The following FOXN3 variants were observed in gnomAD, a reference collection of about 807,000 sequenced individuals.
FOXN3 encodes forkhead box protein N3.
A neutral mutation model predicts 38.4 loss-of-function variants in FOXN3; 7 were observed. That is an observed-to-expected ratio of 0.18 (90% CI 0.10 to 0.34). The LOEUF (loss-of-function observed/expected upper bound fraction) is 0.34, where lower values mean the gene tolerates loss of function less well. Ranked by LOEUF, FOXN3 falls within the 10% of genes least tolerant of loss-of-function variation. The probability of loss-of-function intolerance (pLI) is 1.00; values close to 1 mark genes in which losing one functional copy is unlikely to be tolerated. For missense variants in FOXN3, 456 were observed against 613.4 expected (o/e 0.74, Z 2.71); for synonymous variants, 230 against 242.2 (o/e 0.95, Z 0.47).
intron 2 of FOXN3, among the ~76,000 whole-genome samples, chr14:89,388,573 T>G (rs1347590065): frequency 1.3e-5 from 2 of 152,060 alleles, no homozygotes; most frequent in Non-Finnish European, 2.9e-5. Context: ...TGGGTTAGAC[T>G]GACTGTGAAG....
intron 1 of FOXN3, among the ~76,000 whole-genome samples, chr14:89,478,742 G>C (rs1038615300): frequency 3.3e-5 from 5 of 151,820 alleles, no homozygotes; most frequent in African/African-American, 1.2e-4. Context: ...GACCAGCCTG[G>C]CCAACATGGT....
intron 3 of FOXN3, among the ~76,000 whole-genome samples, chr14:89,307,002 G>C (rs1006138139): frequency 6.6e-6 from 1 of 152,188 alleles, no homozygotes; most frequent in Non-Finnish European, 1.5e-5. Flanking sequence ...GCAGAAGCCT[G>C]AAGTGGAAGA....
At chr14:89,197,588 A>G (rs1447793466) in intron 4 of FOXN3, among the ~76,000 whole-genome samples, 2 of 152,046 alleles carry the variant, frequency 1.3e-5, no homozygotes, top group Non-Finnish European at 2.9e-5. Flanking sequence ...TGCAACATCC[A>G]GAGTGCTGGA....
intron 4 of FOXN3, among the ~76,000 whole-genome samples, chr14:89,233,193 C>T (rs1884870985): frequency 5.3e-5 from 8 of 152,306 alleles, no homozygotes; most frequent in East Asian, 3.9e-4. Flanking sequence ...TGCAATGCTG[C>T]GACCATCATG....
intron 1 of FOXN3, among the ~76,000 whole-genome samples, chr14:89,447,389 A>C (rs534102715): frequency 6.6e-6 from 1 of 152,208 alleles, no homozygotes; most frequent in African/African-American, 2.4e-5. Context: ...TGAGTTAAGA[A>C]GGTGGGCGGC....
chr14:89,189,644 T>G (rs535250693), intron 4 of FOXN3, among the ~76,000 whole-genome samples: 13 of 152,188 alleles, frequency 8.5e-5, no homozygotes, highest in Non-Finnish European at 1.2e-4. Flanking sequence ...TTGTTTGAAG[T>G]CACTCTTCAT....
At chr14:89,559,048 T>A (rs1435472769) in intron 1 of FOXN3, among the ~76,000 whole-genome samples, 1 of 152,098 alleles carries the variant, frequency 6.6e-6, no homozygotes, top group East Asian at 1.9e-4. Flanking sequence ...GTTTTTTTTT[T>A]AACATGATGT....
At chr14:89,520,434 A>G (rs1443860819) in intron 1 of FOXN3, among the ~76,000 whole-genome samples, 1 of 152,164 alleles carries the variant, frequency 6.6e-6, no homozygotes, top group Non-Finnish European at 1.5e-5. Flanking sequence ...GGGAAAACCA[A>G]AAGACAAGAG....
chr14:89,257,326 T>C (rs1188438099), intron 4 of FOXN3, among the ~76,000 whole-genome samples: 1 of 152,206 alleles, frequency 6.6e-6, no homozygotes, highest in Non-Finnish European at 1.5e-5. Flanking sequence ...AGGACAGAAG[T>C]AAAGGAAATT....
chr14:89,329,578 C>T (rs1888176723), intron 3 of FOXN3, among the ~76,000 whole-genome samples: 2 of 152,140 alleles, frequency 1.3e-5, no homozygotes, highest in Admixed American at 6.5e-5. Context: ...CTGGCCCCTG[C>T]CGGACGCGGT....
At chr14:89,201,057 T>A (rs545650185) in intron 4 of FOXN3, among the ~76,000 whole-genome samples, 2 of 152,328 alleles carry the variant, frequency 1.3e-5, no homozygotes, top group East Asian at 1.9e-4. Context: ...TTGATTTGGT[T>A]CTGTTTGGCT....
intron 4 of FOXN3, among the ~76,000 whole-genome samples, chr14:89,183,724 C>G (rs1395651753): frequency 1.3e-5 from 2 of 152,164 alleles, no homozygotes; most frequent in Admixed American, 6.5e-5. Flanking sequence ...GGACAGCACA[C>G]AATCCTAGCA....
chr14:89,432,660 G>A (rs548727759), intron 1 of FOXN3, among the ~76,000 whole-genome samples: 1 of 152,148 alleles, frequency 6.6e-6, no homozygotes, highest in Admixed American at 6.5e-5. Context: ...CTTGACCACT[G>A]CTCTCACCTG....
At chr14:89,547,977 T>C (rs946074168) in intron 1 of FOXN3, among the ~76,000 whole-genome samples, 1 of 152,146 alleles carries the variant, frequency 6.6e-6, no homozygotes, top group African/African-American at 2.4e-5. Flanking sequence ...AGGAAGCCAG[T>C]CTCTAACCCT....
chr14:89,260,651 G>A (rs1156653208), intron 4 of FOXN3, among the ~76,000 whole-genome samples: 1 of 152,216 alleles, frequency 6.6e-6, no homozygotes, highest in East Asian at 1.9e-4. Flanking sequence ...TATTTGAAGT[G>A]TAGAATGCTC....
intron 1 of FOXN3, among the ~76,000 whole-genome samples, chr14:89,415,604 CAAAAAA>C (rs34026101): frequency 3.3e-4 from 18 of 54,282 alleles, no homozygotes; most frequent in African/African-American, 6.7e-4. Context: ...CAACAATAAC[CAAAAAA>C]AAAAAAAAAA....
intron 1 of FOXN3, among the ~76,000 whole-genome samples, chr14:89,535,635 G>C (rs562457747): frequency 1.3e-5 from 2 of 152,296 alleles, no homozygotes; most frequent in East Asian, 3.9e-4. Context: ...ATATTTTCCA[G>C]ACTGTCTTTT....
intron 1 of FOXN3, among the ~76,000 whole-genome samples, chr14:89,478,503 C>T (rs1289333198): frequency 1.3e-5 from 2 of 152,150 alleles, no homozygotes; most frequent in East Asian, 3.8e-4. Flanking sequence ...AAATAAAATA[C>T]ATATTTTAAT....
intron 2 of FOXN3, among the ~76,000 whole-genome samples, chr14:89,365,370 T>C (rs927072652): frequency 6.6e-6 from 1 of 152,198 alleles, no homozygotes; most frequent in Non-Finnish European, 1.5e-5. Flanking sequence ...CAACGATCAA[T>C]CATAAAATGA....
Sources: gnomAD v4.1 joint callset for allele counts (sites outside exome capture counted in the v4.1 genomes callset) on GRCh38, gnomAD v4.1.1 for gene constraint, MANE v1.5 for transcripts, NCBI Gene and HGNC (gene_info 2026-07-23, HGNC 2026-07-21) for gene names.